Variants in HPSE2 observed in about 807,000 individuals in gnomAD.
The protein encoded by HPSE2 is inactive heparanase-2.
HPSE2 carries 38 observed loss-of-function variants against 60.5 expected under a neutral mutation model. The observed-to-expected ratio is 0.63, with a 90% CI of 0.48 to 0.82. The LOEUF (loss-of-function observed/expected upper bound fraction) is 0.82, where lower values mean the gene tolerates loss of function less well. Among genes scored for constraint, HPSE2 ranks in the 40% least tolerant of loss-of-function variants. The pLI is 0.00. For missense variants in HPSE2, 713 were observed against 740.4 expected, an observed-to-expected ratio of 0.96 and a Z score of 0.43; for synonymous variants, 295 against 293.2, an observed-to-expected ratio of 1.01 and a Z score of -0.06.
At chr10:98,960,726 ATTT>A (rs68091060) in intron 3 of HPSE2, among the ~76,000 whole-genome samples, 5 of 102,604 alleles carry the variant, frequency 4.9e-5, no homozygotes, top group African/African-American at 1.6e-4. Context: ...TTTTTGTTTT[ATTT>A]TTTTTATTTT....
In HPSE2 at chr10:98,952,310, TTGTTTGTG is replaced by T. The variant is rs1283554284; in HGVS notation, c.610+191920_610+191927del. On this transcript the variant is annotated intron_variant, in intron 3 of 11. Coordinates refer to ENST00000370552, the MANE Select transcript of HPSE2 (RefSeq NM_021828.5). ...GGAAGGATTCCCCGCTCAAAAGAAT[TTGTTTGTG>T]TGTGTGTGTGTGTGTGTGTGTGTGT... Among the ~76,000 whole-genome samples the T allele has an allele frequency of 1.4e-3, 140 of 102,624 alleles. 1 individual carries two copies. Among genetic ancestry groups the T allele is most frequent in the South Asian group, 0.013 (34 of 2,600 alleles). 67.3% of individuals were successfully genotyped at this position (102,624 alleles called of 152,430 possible). A position where few individuals can be genotyped will look rare whatever the true frequency, so the allele number is the denominator to read the frequency against.
intron 2 of HPSE2, among the ~76,000 whole-genome samples, chr10:99,173,917 T>G (rs1847418984): frequency 1.5e-5 from 2 of 129,120 alleles, no homozygotes; most frequent in Non-Finnish European, 3.0e-5. Context: ...CACTCCAGCC[T>G]GAGCAACAAG....
At chr10:98,942,178 T>A (rs1955028150) in intron 3 of HPSE2, among the ~76,000 whole-genome samples, 1 of 138,700 alleles carries the variant, frequency 7.2e-6, no homozygotes. Context: ...GGGCAAGGAC[T>A]TCATGTCTAA....
At chr10:99,119,730 A>G (rs1844870206) in intron 3 of HPSE2, among the ~76,000 whole-genome samples, 1 of 152,192 alleles carries the variant, frequency 6.6e-6, no homozygotes, top group Admixed American at 6.5e-5. Flanking sequence ...ACATCATGGC[A>G]CTGGTACAAA....
At chr10:98,847,402 G>A (rs1013425613) in intron 3 of HPSE2, among the ~76,000 whole-genome samples, 1 of 152,156 alleles carries the variant, frequency 6.6e-6, no homozygotes, top group African/African-American at 2.4e-5. Flanking sequence ...GATAGAGAAG[G>A]GAATTAACGC....
Position 99,180,900 on chromosome 10 carries a change from A to C in HPSE2, c.449-36501T>G, listed in dbSNP as rs1437289131. Among the ~76,000 whole-genome samples, 19 of 148,126 alleles carry C rather than the reference A, an allele frequency of 1.3e-4. 1 individual carries two copies. The highest frequency in any genetic ancestry group is 4.3e-4 in the African/African-American group (17 of 39,996). ...GCAAGACTCCATCTCAAAAAAAAAA[A>C]AAAAAAAAAAAAAAAAAACACAGAT... On this transcript the variant is annotated intron_variant, in intron 2 of 11. Transcript: ENST00000370552.
At chr10:98,749,930 C>CTATATATATATATATATATATATATA (rs771032742) in intron 3 of HPSE2, among the ~76,000 whole-genome samples, 32 of 96,958 alleles carry the variant, frequency 3.3e-4, no homozygotes, top group African/African-American at 1.1e-3. Flanking sequence ...ATATTAAACA[C>CTATATATATATATATATATATATATA]TATATATATA....
intron 3 of HPSE2, among the ~76,000 whole-genome samples, chr10:98,793,322 T>C (rs908315139): frequency 6.6e-6 from 1 of 152,272 alleles, no homozygotes; most frequent in Non-Finnish European, 1.5e-5. Context: ...TCATAGGCAC[T>C]TTGCTATCAT....
At chr10:98,611,133 C>T (rs1447552434) in intron 9 of HPSE2, among the ~76,000 whole-genome samples, 1 of 152,204 alleles carries the variant, frequency 6.6e-6, no homozygotes, top group Non-Finnish European at 1.5e-5. Flanking sequence ...AGTGATGAAG[C>T]ATGGCTGAAC....
Position 98,467,404 on chromosome 10 carries a change from G to T in HPSE2, c.1614-7665C>A, listed in dbSNP as rs1180980054. On this transcript the variant is annotated intron_variant, in intron 11 of 11. Transcript: ENST00000370552. ...AAGGCCAGAAACCCGTTTTAGTCCA[G>T]GCTTGGGACATGAAATGTGCAGGTC... Among the ~76,000 whole-genome samples, 7 of 152,308 alleles carry T rather than the reference G, an allele frequency of 4.6e-5. No individual in the cohort carries two copies. In the South Asian group the frequency reaches 1.2e-3, roughly 27 times the overall value.
chr10:99,235,099 C>T (rs1433742502), intron 1 of HPSE2, among the ~76,000 whole-genome samples: 1 of 71,878 alleles, frequency 1.4e-5, no homozygotes, highest in East Asian at 4.3e-4. Flanking sequence ...TCCTGTCTCA[C>T]ATACACACAC....
In HPSE2 at chr10:99,167,508, T is replaced by A. The variant is rs1435838490; in HGVS notation, c.449-23109A>T. ...GAACTTCCAATTTTTCTAGTCTCAT[T>A]TGTTGAAAAGACTCTCCTTTTTGCA... On this transcript the variant is annotated intron_variant, in intron 2 of 11. Coordinates refer to ENST00000370552, the MANE Select transcript of HPSE2 (RefSeq NM_021828.5). Among the ~76,000 whole-genome samples, 7 of 152,366 alleles carry A rather than the reference T, an allele frequency of 4.6e-5. No homozygotes were observed. The East Asian group carries it at 1.3e-3, about 29-fold the overall frequency.
chr10:99,230,232 A>T (rs1174685291), intron 2 of HPSE2, among the ~76,000 whole-genome samples: 1 of 151,578 alleles, frequency 6.6e-6, no homozygotes, highest in Non-Finnish European at 1.5e-5. Flanking sequence ...ATGAGGAAAC[A>T]TTTTTTTTTA....
At chr10:98,687,998 TCC>T (rs1183856368) in intron 6 of HPSE2, among the ~76,000 whole-genome samples, 1 of 152,164 alleles carries the variant, frequency 6.6e-6, no homozygotes, top group Non-Finnish European at 1.5e-5. Flanking sequence ...TTGATTTTTT[TCC>T]CATTTATTTT....
chr10:99,164,240 TATATATA>T, intron 2 of HPSE2, among the ~76,000 whole-genome samples: 1 of 36,990 alleles, frequency 2.7e-5, no homozygotes, highest in African/African-American at 1.7e-4. Flanking sequence ...TATATATATA[TATATATA>T]TATATATATA....
intron 11 of HPSE2, among the ~76,000 whole-genome samples, chr10:98,465,353 C>T (rs569901691): frequency 7.2e-4 from 109 of 152,226 alleles, no homozygotes; most frequent in Non-Finnish European, 1.3e-3. Context: ...TACAGATGAG[C>T]AAATCAAAGT....
chr10:99,084,442 C>A (rs1589630196), intron 3 of HPSE2, among the ~76,000 whole-genome samples: 1 of 152,082 alleles, frequency 6.6e-6, no homozygotes, highest in Non-Finnish European at 1.5e-5. Context: ...CATTTGTTCC[C>A]AGGTAGGTCA....
At chr10:98,544,204 G>A (rs10883123) in intron 9 of HPSE2, among the ~76,000 whole-genome samples, 145,756 of 152,274 alleles carry the variant, frequency 0.96, 70,076 homozygotes, top group East Asian at 1. Flanking sequence ...GTACATGGAA[G>A]CTGAACAACC....
At chr10:98,464,263 G>A (rs11189621) in intron 11 of HPSE2, among the ~76,000 whole-genome samples, 101,755 of 152,084 alleles carry the variant, frequency 0.67, 34,382 homozygotes, top group African/African-American at 0.75. Flanking sequence ...ACTTTTTAAG[G>A]AATAGATTTT....
Sources: gnomAD v4.1 joint callset for allele counts (sites outside exome capture counted in the v4.1 genomes callset) on GRCh38, gnomAD v4.1.1 for gene constraint, MANE v1.5 for transcripts, NCBI Gene and HGNC (gene_info 2026-07-23, HGNC 2026-07-21) for gene names.